DYRK1B: variants seen among roughly 807,000 people sequenced by gnomAD.
The protein encoded by DYRK1B is dual specificity tyrosine phosphorylation regulated kinase 1B.
DYRK1B carries 20 observed loss-of-function variants against 57.1 expected under a neutral mutation model. The ratio of observed to expected loss-of-function variants is 0.35; its 90% CI spans 0.25 to 0.51. The LOEUF (loss-of-function observed/expected upper bound fraction) is 0.51, where lower values mean the gene tolerates loss of function less well. Among genes scored for constraint, DYRK1B ranks in the 20% least tolerant of loss-of-function variants. The probability of loss-of-function intolerance (pLI) is 0.96; values close to 1 mark genes in which losing one functional copy is unlikely to be tolerated. For synonymous variants in DYRK1B, 409 were observed against 384.7 expected (o/e 1.06, Z -0.74); for missense variants, 732 against 886.3 (o/e 0.83, Z 2.21).
intron 8 of DYRK1B, 108 bp downstream of exon 8, chr19:39,827,177 G>T: frequency 7.2e-7 from 1 of 1,395,404 alleles, no homozygotes; most frequent in South Asian, 1.4e-5. Context: ...AGACAAGGGG[G>T]AGTGGAAGGA....
intron 1 of DYRK1B, chr19:39,832,951 C>T: frequency 1.0e-6 from 1 of 984,840 alleles, no homozygotes; most frequent in Non-Finnish European, 1.2e-6. Flanking sequence ...ACACACACAC[C>T]CTAATATTCC....
Position 39,826,682 on chromosome 19 carries a change from G to A in DYRK1B, c.1401C>T (p.Ile467=), listed in dbSNP as rs1968553424. ...CACCTGGGCACCCACCAGAACTGGA[G>A]ATGGAGCTGGCGGTGCTGGAAGAGG... The part of the protein sequence containing the change: ...TCPSSSTASS[I]SSSGGSSGSS... Residue 467 remains isoleucine, a synonymous_variant, in exon 9 of 11, where the codon ATC becomes ATT. Coordinates refer to ENST00000323039, the MANE Select transcript of DYRK1B (RefSeq NM_004714.3). This position sits in a 1 kb window ranked among gnomAD's most constrained non-coding sequence, Gnocchi z 6.3. The A allele has an allele frequency of 3.1e-6, 5 of 1,603,290 alleles. No individual in the cohort carries two copies. The highest frequency in any genetic ancestry group is 1.1e-5 in the South Asian group (1 of 89,202).
rs773595038 is a variant in DYRK1B, at chr19:39,825,934, T to C, written c.1671A>G (p.Ser557=). Residue 557 remains serine (S), a synonymous_variant, in exon 11 of 11, where the codon TCA becomes TCG. Coordinates refer to ENST00000323039, the MANE Select transcript of DYRK1B (RefSeq NM_004714.3). ...RYLGRPPSPT[S]PPPPELMDVS... ...CATCCATCAGCTCCGGGGGTGGTGG[T>C]GAGGTTGGTGATGGGGGACGACCAA... 1 of 1,513,816 alleles carries C rather than the reference T, an allele frequency of 6.6e-7. No homozygotes were observed. Among genetic ancestry groups the C allele is most frequent in the East Asian group, 2.3e-5 (1 of 43,204 alleles). The allele number at this position is 1,513,816 out of a possible 1,614,324, so 93.8% of individuals were successfully genotyped here. A position where few individuals can be genotyped will look rare whatever the true frequency, so the allele number is the denominator to read the frequency against.
chr19:39,828,257 A>T lies in DYRK1B; in HGVS notation c.807+40T>A, dbSNP rs771838065. On this transcript the variant is annotated intron_variant, in intron 6 of 10. Coordinates refer to ENST00000323039, the MANE Select transcript of DYRK1B (RefSeq NM_004714.3). The surrounding 1 kb of genome is among the most constrained non-coding windows in gnomAD (Gnocchi z 4.3). ...GCCTCCCGTTGGCTCTGCCCCACCC[A>T]AACTACTAGCCGTGCTCCCAGGACC... 4 of 1,600,712 alleles carry T rather than the reference A, an allele frequency of 2.5e-6. No homozygotes were observed. Among genetic ancestry groups the T allele is most frequent in the South Asian group, 1.1e-5 (1 of 89,428 alleles).
chr19:39,825,605 C>A lies in DYRK1B; in HGVS notation c.*110G>T. On this transcript the variant is annotated 3_prime_UTR_variant, in exon 11 of 11. Transcript: ENST00000323039. ...CCAATCAGTGCAGGCCTCACCCACC[C>A]CAGCTGGGTAGCAGCAATTCCAGTC... 1 of 1,248,702 alleles carries A rather than the reference C, an allele frequency of 8.0e-7. No homozygotes were observed. Among genetic ancestry groups the A allele is most frequent in the Admixed American group, 2.1e-5 (1 of 47,428 alleles). 77.4% of individuals were successfully genotyped at this position (1,248,702 alleles called of 1,614,324 possible). A position where few individuals can be genotyped will look rare whatever the true frequency, so the allele number is the denominator to read the frequency against.
chr19:39,826,171 C>G lies in DYRK1B; in HGVS notation c.1518+9G>C. Reference sequence around the variant, plus strand: ...CCACCCACCTCCAAAGCCCCCAAAGCCCCATTACCTGGGGGCTGTTCATCT... The same window carrying G: ...CCACCCACCTCCAAAGCCCCCAAAGGCCCATTACCTGGGGGCTGTTCATCT... On this transcript the variant is annotated intron_variant, in intron 10 of 10. Coordinates refer to ENST00000323039, the MANE Select transcript of DYRK1B (RefSeq NM_004714.3). This position sits in a 1 kb window ranked among gnomAD's most constrained non-coding sequence, Gnocchi z 6.3. 1.3e-6 allele frequency: 2 copies of G among 1,599,654 alleles called. No homozygotes were observed. The highest frequency in any genetic ancestry group is 1.1e-5 in the South Asian group (1 of 88,732).
rs377445366 is a variant in DYRK1B at position 39,831,661 on chromosome 19, C to A, written c.63+144G>T. 8 of 1,069,590 alleles carry A rather than the reference C, an allele frequency of 7.5e-6. No homozygotes were observed. The African/African-American group carries it at 1.3e-4, about 17-fold the overall frequency. 66.3% of individuals were successfully genotyped at this position (1,069,590 alleles called of 1,614,324 possible). On this transcript the variant is annotated intron_variant, in intron 2 of 10. Transcript: ENST00000323039. ...CAAACCCTGACTCTGCCTGAAAACTCCTCTGTTATTTTCCAATCCCATGGG... is the reference window on the plus strand; with the variant it reads ...CAAACCCTGACTCTGCCTGAAAACTACTCTGTTATTTTCCAATCCCATGGG...
chr19:39,825,407 C>A lies in DYRK1B; in HGVS notation c.*308G>T. 2.8e-6 allele frequency: 1 copy of A among 363,164 alleles called. No homozygotes were observed. The highest frequency in any genetic ancestry group is 5.0e-6 in the Non-Finnish European group (1 of 198,804). 22.5% of individuals were successfully genotyped at this position (363,164 alleles called of 1,614,324 possible). A position where few individuals can be genotyped will look rare whatever the true frequency, so the allele number is the denominator to read the frequency against. ...GGAGGAGCAAGGCCATCTCCCCCTACCTGCCCCCACCCCCTCCTAGGGTCC... is the reference window on the plus strand; with the variant it reads ...GGAGGAGCAAGGCCATCTCCCCCTAACTGCCCCCACCCCCTCCTAGGGTCC... On this transcript the variant is annotated 3_prime_UTR_variant, in exon 11 of 11. Transcript: ENST00000323039.
At position 39,830,308 on chromosome 19, in the gene DYRK1B, T is replaced by C. The variant is rs1437433424; in HGVS notation, c.372+67A>G. On this transcript the variant is annotated intron_variant, in intron 4 of 10. Transcript: ENST00000323039. ...GGCCCAGCATGGGACTTGAAGCCACTGAACCACTGGGTGTGTGATCAATGT... is the reference window on the plus strand; with the variant it reads ...GGCCCAGCATGGGACTTGAAGCCACCGAACCACTGGGTGTGTGATCAATGT... The C allele has an allele frequency of 3.8e-6, 6 of 1,598,482 alleles. No homozygotes were observed. In the African/African-American group the frequency reaches 5.4e-5, roughly 14 times the overall value.
rs2145025032 is a variant in DYRK1B, at chr19:39,829,877, C to T, written c.520+3G>A. On this transcript the variant is annotated splice_donor_region_variant and intron_variant, in intron 5 of 10. Transcript: ENST00000323039. ...CCACAGCCCTGCCAGTCCCAGGCCT[C>T]ACCTATATAGTACTTCATCTCCGTG... is the stretch of plus-strand genomic sequence containing the variant. 1 of 1,613,072 alleles carries T rather than the reference C, an allele frequency of 6.2e-7. No individual in the cohort carries two copies. The highest frequency in any genetic ancestry group is 8.5e-7 in the Non-Finnish European group (1 of 1,179,928).
At position 39,827,003 on chromosome 19, in the gene DYRK1B, TG is replaced by T; in HGVS notation, c.1096-17del. ...CCTGGTAATCCTGGCAGGGAGGGGG[TG>T]GGAGGGGGGGCAAGAGAGTGGCCGT... On this transcript the variant is annotated splice_polypyrimidine_tract_variant and intron_variant, in intron 8 of 10. Transcript: ENST00000323039. 1 of 124,904 alleles carries T rather than the reference TG, an allele frequency of 8.0e-6. No homozygotes were observed. Among genetic ancestry groups the T allele is most frequent in the Non-Finnish European group, 1.3e-5 (1 of 77,652 alleles). 7.7% of individuals were successfully genotyped at this position (124,904 alleles called of 1,614,324 possible). A position where few individuals can be genotyped will look rare whatever the true frequency, so the allele number is the denominator to read the frequency against.
Position 39,825,870 on chromosome 19 carries a change from G to A in DYRK1B, c.1735C>T (p.His579Tyr). 1.2e-6 allele frequency: 2 copies of A among 1,600,126 alleles called. No homozygotes were observed. The highest frequency in any genetic ancestry group is 1.7e-6 in the Non-Finnish European group (2 of 1,173,734). Residue 579 changes from histidine (H) to tyrosine (Y), a missense_variant, in exon 11 of 11, where the codon CAC becomes TAC. Physicochemically the swap from His to Tyr is moderately conservative, Grantham distance 83. Transcript: ENST00000323039. ...VGGPADCSPP[H>Y]PAPAPQHPAA... Reference sequence around the variant, plus strand: ...GGGTGCTGGGGGGCAGGCGCTGGGTGAGGTGGGGAGCAGTCAGCAGGGCCG... The same window carrying A: ...GGGTGCTGGGGGGCAGGCGCTGGGTAAGGTGGGGAGCAGTCAGCAGGGCCG...
At chr19:39,827,151 G>T (rs1968578904) in intron 8 of DYRK1B, 134 bp downstream of exon 8, 2 of 1,268,342 alleles carry the variant, frequency 1.6e-6, no homozygotes, top group Non-Finnish European at 2.1e-6. Flanking sequence ...GGTGGGCAGG[G>T]GAGGAAGGAA....
chr19:39,827,929 C>A (rs914638021), intron 6 of DYRK1B, among the ~76,000 whole-genome samples: 6 of 152,132 alleles, frequency 3.9e-5, no homozygotes, highest in African/African-American at 1.4e-4. Flanking sequence ...GGCTGACATT[C>A]CATAAGCCCT....
rs1568535141 is a variant in DYRK1B, at chr19:39,831,957, C to T, written c.-90G>A. On this transcript the variant is annotated 5_prime_UTR_variant, in exon 2 of 11. Transcript: ENST00000323039. ...TTGCATCCTGCACCTCGGCTGCCAC[C>T]GCCGCTGAGACCTGAGAGCAGACAG... 9.1e-6 allele frequency: 13 copies of T among 1,427,568 alleles called. No homozygotes were observed. The highest frequency in any genetic ancestry group is 2.7e-5 in the East Asian group (1 of 37,594). 88.4% of individuals were successfully genotyped at this position (1,427,568 alleles called of 1,614,324 possible).
At position 39,827,276 on chromosome 19, in the gene DYRK1B, G is replaced by A. The variant is rs1398020614; in HGVS notation, c.1095+9C>T. 6.2e-7 allele frequency: 1 copy of A among 1,605,952 alleles called. No individual in the cohort carries two copies. The highest frequency in any genetic ancestry group is 1.1e-5 in the South Asian group (1 of 90,386). On this transcript the variant is annotated intron_variant, in intron 8 of 10. Coordinates refer to ENST00000323039, the MANE Select transcript of DYRK1B (RefSeq NM_004714.3). ...GGGTGGGAGGAGTGGCATGGGGCAGGGGCCGCACCTTCCTGAGTTCTTTCG... is the reference window on the plus strand; with the variant it reads ...GGGTGGGAGGAGTGGCATGGGGCAGAGGCCGCACCTTCCTGAGTTCTTTCG...
intron 1 of DYRK1B, chr19:39,833,371 C>T (rs1329422825): frequency 3.0e-6 from 3 of 985,000 alleles, no homozygotes; most frequent in Admixed American, 6.1e-5. Flanking sequence ...GCTGAAAAGG[C>T]GACCGCCTGT....
rs763854386 is a variant in DYRK1B, at chr19:39,826,942, C to T, written c.1141G>A (p.Val381Met). 5.5e-6 allele frequency: 8 copies of T among 1,456,330 alleles called. No homozygotes were observed. The highest frequency in any genetic ancestry group is 5.5e-5 in the East Asian group (2 of 36,468). 90.2% of individuals were successfully genotyped at this position (1,456,330 alleles called of 1,614,324 possible). ...GTRRLQEVLG[V>M]QTGGPGGRRA... is the part of the protein sequence containing the mutation. ...CGGCCCCCGGGCCCGCCCGTCTGCA[C>T]GCCCAGCACCTCCTGCAGCCGCCGT... is the stretch of plus-strand genomic sequence containing the variant. The change falls in exon 9 of 11, where the codon GTG becomes ATG. Residue 381 changes from valine (V) to methionine (M), a missense_variant. Transcript: ENST00000323039. The surrounding 1 kb of genome is among the most constrained non-coding windows in gnomAD (Gnocchi z 6.3).
chr19:39,828,730 A>G lies in DYRK1B; in HGVS notation c.521-147T>C, dbSNP rs1393862205. The G allele has an allele frequency of 1.3e-6, 1 of 798,054 alleles. No individual in the cohort carries two copies. Among genetic ancestry groups the G allele is most frequent in the Non-Finnish European group, 2.0e-6 (1 of 506,344 alleles). 49.4% of individuals were successfully genotyped at this position (798,054 alleles called of 1,614,324 possible). A position where few individuals can be genotyped will look rare whatever the true frequency, so the allele number is the denominator to read the frequency against. The stretch of plus-strand genomic sequence containing the variant: ...CTGCTAGTCAAAATCTTTTTATCTA[A>G]CAACTAGATTCACACAGGAAGTTAA... On this transcript the variant is annotated intron_variant, in intron 5 of 10. Coordinates refer to ENST00000323039, the MANE Select transcript of DYRK1B (RefSeq NM_004714.3). This position sits in a 1 kb window ranked among gnomAD's most constrained non-coding sequence, Gnocchi z 4.3.
Sources: gnomAD v4.1 joint callset for allele counts (sites outside exome capture counted in the v4.1 genomes callset) on GRCh38, gnomAD v4.1.1 for gene constraint, Gnocchi (gnomAD v3.1) non-coding constraint, MANE v1.5 for transcripts, NCBI Gene and HGNC (gene_info 2026-07-23, HGNC 2026-07-21) for gene names.